Variants in UBE2F observed in about 807,000 individuals in gnomAD.
UBE2F encodes the protein ubiquitin conjugating enzyme E2 F (putative), also known as NEDD8-conjugating enzyme UBE2F.
In UBE2F, 5 loss-of-function variants were observed where a neutral mutation model predicts 29.6. The ratio of observed to expected loss-of-function variants is 0.17; its 90% CI spans 0.09 to 0.36. The LOEUF is 0.36. UBE2F is among the 10% of genes least tolerant of loss of function. UBE2F has a pLI of 1.00. For synonymous variants in UBE2F, 66 were observed against 81.8 expected (o/e 0.81, Z 1.04); for missense variants, 141 against 228.5 (o/e 0.62, Z 2.47).
chr2:238,041,238 C>G, intron 9 of UBE2F, 50 bp from the exon 10 acceptor site: 1 of 1,573,342 alleles, frequency 6.4e-7, no homozygotes, highest in African/African-American at 1.3e-5. Context: ...TTCACTCACT[C>G]ACTCACTCCT....
intron 3 of UBE2F, 60 bp from the exon 4 acceptor site, chr2:237,994,684 C>T (rs1430722730): frequency 1.0e-5 from 14 of 1,369,286 alleles, no homozygotes; most frequent in South Asian, 3.5e-5. Context: ...CAAAGGTTAG[C>T]GTCAACATAT....
intron 2 of UBE2F, among the ~76,000 whole-genome samples, chr2:237,984,014 TCTC>T (rs2063428795): frequency 1.3e-5 from 2 of 151,496 alleles, no homozygotes; most frequent in African/African-American, 2.4e-5. Context: ...CCAGCCTTGT[TCTC>T]CTCTTCTTCC....
intron 4 of UBE2F, among the ~76,000 whole-genome samples, chr2:238,008,092 T>TAC (rs1199210914): frequency 6.6e-6 from 1 of 152,170 alleles, no homozygotes; most frequent in African/African-American, 2.4e-5. Context: ...TAACTGGGAC[T>TAC]ACAGATGCCC....
At chr2:238,031,812 C>A (rs958256269) in intron 7 of UBE2F, among the ~76,000 whole-genome samples, 2 of 152,230 alleles carry the variant, frequency 1.3e-5, no homozygotes, top group African/African-American at 4.8e-5. Context: ...TCTACGACCG[C>A]AAGAGGCAGT....
intron 2 of UBE2F, chr2:237,986,129 T>C (rs116417061): frequency 0.012 from 4,255 of 360,558 alleles, 176 homozygotes; most frequent in African/African-American, 0.093. Flanking sequence ...ATTCATAGAC[T>C]ACCTTTTCTT....
chr2:237,972,717 A>G (rs868707315), intron 1 of UBE2F, among the ~76,000 whole-genome samples: 17 of 151,430 alleles, frequency 1.1e-4, no homozygotes, highest in Middle Eastern at 6.8e-3. Flanking sequence ...CTCCTGGCTA[A>G]TTTTTTTATA....
chr2:237,971,402 A>G (rs1038961994), intron 1 of UBE2F, among the ~76,000 whole-genome samples: 1 of 152,182 alleles, frequency 6.6e-6, no homozygotes, highest in Non-Finnish European at 1.5e-5. Context: ...AGCTCACTGC[A>G]ACCTCTGCCT....
At chr2:238,023,052 C>T (rs1197629467) in intron 5 of UBE2F, among the ~76,000 whole-genome samples, 3 of 152,194 alleles carry the variant, frequency 2.0e-5, no homozygotes, top group Admixed American at 1.3e-4. Flanking sequence ...TAGCACCAGG[C>T]TGCATGGTCA....
rs1285137877 is a variant in UBE2F at position 238,040,035 on chromosome 2, C to T, written c.508-1253C>T. Reference sequence around the variant, plus strand: ...AAAGGCCCATGTGGGAGGCTCCAAACGCCATCCTGTAGACAAATAGGGCGG... The same window carrying T: ...AAAGGCCCATGTGGGAGGCTCCAAATGCCATCCTGTAGACAAATAGGGCGG... On this transcript the variant is annotated intron_variant, in intron 9 of 9. Transcript: ENST00000272930. The surrounding 1 kb of genome is among the most constrained non-coding windows in gnomAD (Gnocchi z 4.4). Among the ~76,000 whole-genome samples the T allele has an allele frequency of 1.3e-5, 2 of 152,198 alleles. No homozygotes were observed. The highest frequency in any genetic ancestry group is 6.5e-5 in the Admixed American group (1 of 15,290).
rs2063207791 is a variant in UBE2F at position 237,973,049 on chromosome 2, TGGAGACC to T, written c.-16-42_-16-36del. Reference sequence around the variant, plus strand: ...TTTTTCTCAGTGTCTAATTAGTCTCTGGAGACCTGGTCCTTAACCCTGCTTTCATTGC... The same window carrying T: ...TTTTTCTCAGTGTCTAATTAGTCTCTTGGTCCTTAACCCTGCTTTCATTGC... On this transcript the variant is annotated intron_variant, in intron 1 of 9. Transcript: ENST00000272930. The T allele has an allele frequency of 2.6e-6, 4 of 1,562,722 alleles. No homozygotes were observed. In the East Asian group the frequency reaches 9.1e-5, roughly 36 times the overall value.
At chr2:238,026,872 GC>G (rs1260906837) in intron 6 of UBE2F, among the ~76,000 whole-genome samples, 1 of 152,170 alleles carries the variant, frequency 6.6e-6, no homozygotes, top group African/African-American at 2.4e-5. Context: ...TTTTAAAAAA[GC>G]ATCTTCCCTT....
chr2:238,026,118 T>C (rs2064421850), intron 6 of UBE2F, among the ~76,000 whole-genome samples: 1 of 152,230 alleles, frequency 6.6e-6, no homozygotes, highest in African/African-American at 2.4e-5. Context: ...GGCTTTGATA[T>C]CAGACCACCT....
intron 2 of UBE2F, among the ~76,000 whole-genome samples, chr2:237,986,516 T>C (rs756690173): frequency 6.6e-6 from 1 of 152,166 alleles, no homozygotes; most frequent in Non-Finnish European, 1.5e-5. Flanking sequence ...TTTAGTTTGA[T>C]GTAATCCCAC....
At chr2:238,009,936 C>A (rs1393322060) in intron 4 of UBE2F, among the ~76,000 whole-genome samples, 2 of 152,104 alleles carry the variant, frequency 1.3e-5, no homozygotes, top group Non-Finnish European at 2.9e-5. Flanking sequence ...ACAGATACTC[C>A]CATCATCACA....
chr2:237,995,596 T>C (rs2063674667), intron 4 of UBE2F, among the ~76,000 whole-genome samples: 1 of 152,162 alleles, frequency 6.6e-6, no homozygotes, highest in Non-Finnish European at 1.5e-5. Context: ...AACTGAGAAT[T>C]ATTAGTCACT....
At chr2:238,019,481 C>T (rs2064240712) in intron 5 of UBE2F, among the ~76,000 whole-genome samples, 1 of 152,012 alleles carries the variant, frequency 6.6e-6, no homozygotes, top group Admixed American at 6.6e-5. Flanking sequence ...ATTGTCCTGC[C>T]TCAACCTCCT....
At chr2:237,993,120 TGGGACTACA>T (rs2063622898) in intron 3 of UBE2F, among the ~76,000 whole-genome samples, 1 of 152,020 alleles carries the variant, frequency 6.6e-6, no homozygotes, top group South Asian at 2.1e-4. Context: ...CCCAAGTAGC[TGGGACTACA>T]GGCGCCCGCC....
intron 5 of UBE2F, among the ~76,000 whole-genome samples, chr2:238,021,488 A>G (rs13425893): frequency 0.044 from 6,768 of 152,276 alleles, 519 homozygotes; most frequent in African/African-American, 0.15. Context: ...CCACATACCA[A>G]TGGGGCGATG....
rs892155017 is a variant in UBE2F at position 237,967,267 on chromosome 2, C to T, written c.-17+135C>T. On this transcript the variant is annotated intron_variant, in intron 1 of 9. Transcript: ENST00000272930. This position sits in a 1 kb window ranked among gnomAD's most constrained non-coding sequence, Gnocchi z 6.3. Reference sequence around the variant, plus strand: ...CCGCCGGGTTCCTCACGCCGGGGGCCTGGCGGGCGCGGGCACCCGGACGCG... The same window carrying T: ...CCGCCGGGTTCCTCACGCCGGGGGCTTGGCGGGCGCGGGCACCCGGACGCG... 9 of 488,936 alleles carry T rather than the reference C, an allele frequency of 1.8e-5. No homozygotes were observed. The African/African-American group carries it at 1.9e-4, about 10-fold the overall frequency. The allele number at this position is 488,936 out of a possible 1,614,324, so 30.3% of individuals were successfully genotyped here.
Sources: allele counts gnomAD v4.1 joint callset (sites outside exome capture counted in the v4.1 genomes callset), GRCh38; gene constraint gnomAD v4.1.1; non-coding constraint Gnocchi (gnomAD v3.1); transcripts MANE v1.5; gene names NCBI Gene and HGNC (gene_info 2026-07-23, HGNC 2026-07-21).